Variants in SLAIN2 observed in about 807,000 individuals in gnomAD.
SLAIN2 encodes SLAIN motif-containing protein 2.
SLAIN2 carries 31 observed loss-of-function variants against 56.6 expected under a neutral mutation model. The ratio of observed to expected loss-of-function variants is 0.55; its 90% CI spans 0.41 to 0.74. The LOEUF is 0.74. Among genes scored for constraint, SLAIN2 ranks in the 30% least tolerant of loss-of-function variants. The pLI is 0.00. For synonymous variants in SLAIN2, 317 were observed against 284.9 expected (o/e 1.11, Z -1.13); for missense variants, 777 against 754.2 (o/e 1.03, Z -0.35).
rs1268675180 is a variant in SLAIN2 at position 48,341,674 on chromosome 4, C to G, written c.-66C>G. Reference sequence around the variant, plus strand: ...TGAGCGGCGGCGACGCCTCTTTCCTCCGTCTCTTTCCCTGTCGCTGCGAGA... The same window carrying G: ...TGAGCGGCGGCGACGCCTCTTTCCTGCGTCTCTTTCCCTGTCGCTGCGAGA... On this transcript the variant is annotated 5_prime_UTR_variant, in exon 1 of 8. Coordinates refer to ENST00000264313, the MANE Select transcript of SLAIN2 (RefSeq NM_020846.2). The G allele has an allele frequency of 1.3e-6, 2 of 1,499,280 alleles. No homozygotes were observed. The highest frequency in any genetic ancestry group is 2.7e-5 in the East Asian group (1 of 36,430). The allele number at this position is 1,499,280 out of a possible 1,614,324, so 92.9% of individuals were successfully genotyped here.
At chr4:48,363,906 G>T (rs1441139868) in intron 1 of SLAIN2, among the ~76,000 whole-genome samples, 2 of 131,632 alleles carry the variant, frequency 1.5e-5, no homozygotes, top group African/African-American at 2.7e-5. Context: ...CGGACGGCAC[G>T]GCTGGCCAGG....
At chr4:48,393,386 T>TTTG (rs376243251) in intron 6 of SLAIN2, among the ~76,000 whole-genome samples, 5 of 135,448 alleles carry the variant, frequency 3.7e-5, no homozygotes, top group Admixed American at 7.4e-5. Context: ...CATGTCTGGC[T>TTTG]TGTGTGTGTG....
chr4:48,386,665 G>A (rs184135629), intron 6 of SLAIN2, among the ~76,000 whole-genome samples: 202 of 152,224 alleles, frequency 1.3e-3, no homozygotes, highest in Middle Eastern at 3.4e-3. Flanking sequence ...GTAACTGAGA[G>A]TGCCATTATA....
At chr4:48,407,524 TTA>T (rs1716729932) in intron 6 of SLAIN2, among the ~76,000 whole-genome samples, 1 of 152,152 alleles carries the variant, frequency 6.6e-6, no homozygotes, top group Admixed American at 6.5e-5. Flanking sequence ...TGTAATAACT[TTA>T]TGTGTGATTT....
intron 2 of SLAIN2, among the ~76,000 whole-genome samples, chr4:48,372,470 G>T (rs1269350955): frequency 6.6e-6 from 1 of 152,154 alleles, no homozygotes. Flanking sequence ...ACTACTTAAT[G>T]TAACAGGTAG....
At position 48,360,602 on chromosome 4, in the gene SLAIN2, T is replaced by TA. The variant is rs540500036; in HGVS notation, c.390-9239dup. Among the ~76,000 whole-genome samples, 593 of 151,914 alleles carry TA rather than the reference T, an allele frequency of 3.9e-3. 5 individuals are homozygous for TA. The highest frequency in any genetic ancestry group is 0.013 in the African/African-American group (532 of 41,442). On this transcript the variant is annotated intron_variant, in intron 1 of 7. Coordinates refer to ENST00000264313, the MANE Select transcript of SLAIN2 (RefSeq NM_020846.2). ...GTGAGACTCTGTCTCCAAAAAAAAT[T>TA]AAAAAAAACATAAATAGATAAGAAA...
chr4:48,356,694 C>T (rs1715165095), intron 1 of SLAIN2, among the ~76,000 whole-genome samples: 1 of 151,986 alleles, frequency 6.6e-6, no homozygotes, highest in South Asian at 2.1e-4. Context: ...TGGTTCAGCA[C>T]TAGAAGTTTG....
At chr4:48,376,566 T>C (rs1395856494) in intron 2 of SLAIN2, among the ~76,000 whole-genome samples, 1 of 151,998 alleles carries the variant, frequency 6.6e-6, no homozygotes, top group Non-Finnish European at 1.5e-5. Flanking sequence ...TATTTAATTT[T>C]ACATGCATAG....
chr4:48,411,290 C>T (rs186138504), intron 6 of SLAIN2, among the ~76,000 whole-genome samples: 1 of 152,208 alleles, frequency 6.6e-6, no homozygotes, highest in African/African-American at 2.4e-5. Context: ...TCCAGGGCAG[C>T]ATGTGATTCG....
intron 1 of SLAIN2, among the ~76,000 whole-genome samples, chr4:48,365,190 C>T (rs980772041): frequency 1.3e-5 from 2 of 151,766 alleles, no homozygotes; most frequent in African/African-American, 4.8e-5. Context: ...AAAAATTGGC[C>T]TGGTGCAGTG....
intron 1 of SLAIN2, among the ~76,000 whole-genome samples, chr4:48,349,900 A>C (rs1714967735): frequency 1.3e-5 from 2 of 152,200 alleles, no homozygotes; most frequent in South Asian, 4.1e-4. Flanking sequence ...TTGGAACCCA[A>C]GATATGTATT....
In SLAIN2 at chr4:48,342,078, G is replaced by A; in HGVS notation, c.339G>A (p.Arg113=). Residue 113 remains arginine (R), a synonymous_variant, in exon 1 of 8, where the codon CGG becomes CGA. Transcript: ENST00000264313. ...TGCTGGACGAGGTGGAGCCGCTGCGGCCCGACGAGCTGGAGCGCCTGTCAG... is the reference window on the plus strand; with the variant it reads ...TGCTGGACGAGGTGGAGCCGCTGCGACCCGACGAGCTGGAGCGCCTGTCAG... ...GGLLDEVEPL[R]PDELERLSGW... The A allele has an allele frequency of 7.3e-7, 1 of 1,370,276 alleles. No individual in the cohort carries two copies. Among genetic ancestry groups the A allele is most frequent in the South Asian group, 1.7e-5 (1 of 57,720 alleles). The allele number at this position is 1,370,276 out of a possible 1,614,324, so 84.9% of individuals were successfully genotyped here.
At chr4:48,362,566 G>T (rs144553771) in intron 1 of SLAIN2, among the ~76,000 whole-genome samples, 2 of 149,274 alleles carry the variant, frequency 1.3e-5, no homozygotes, top group Admixed American at 1.3e-4. Flanking sequence ...CTACAGGCAC[G>T]TGCTACCATG....
rs776678579 is a variant in SLAIN2 at position 48,382,745 on chromosome 4, G to T, written c.1040G>T (p.Arg347Leu). The change falls in exon 5 of 8, where the codon CGC (arginine) becomes CTC (leucine). Residue 347 changes from arginine to leucine, a missense_variant. Transcript: ENST00000264313. The stretch of plus-strand genomic sequence containing the variant: ...GTTAACAGGTTTTCACCATCACCAC[G>T]CAATTCACCTCGACCGTCACCTAAG... Reference protein sequence around the residue: ...PAVNRFSPSPRNSPRPSPKQS... With the variant: ...PAVNRFSPSPLNSPRPSPKQS... The T allele has an allele frequency of 1.9e-6, 3 of 1,613,454 alleles. No individual in the cohort carries two copies. The African/African-American group carries it at 4.0e-5, about 22-fold the overall frequency.
At position 48,379,694 on chromosome 4, in the gene SLAIN2, C is replaced by G; in HGVS notation, c.708C>G (p.Asn236Lys). 7.1e-7 allele frequency: 1 copy of G among 1,407,678 alleles called. No homozygotes were observed. Among genetic ancestry groups the G allele is most frequent in the Admixed American group, 2.8e-5 (1 of 35,152 alleles). The allele number at this position is 1,407,678 out of a possible 1,614,324, so 87.2% of individuals were successfully genotyped here. A position where few individuals can be genotyped will look rare whatever the true frequency, so the allele number is the denominator to read the frequency against. Residue 236 changes from asparagine (N) to lysine (K), a missense_variant, in exon 4 of 8, where the codon AAC (asparagine) becomes AAG (lysine). Asn to Lys is a moderately conservative substitution (Grantham distance 94). Coordinates refer to ENST00000264313, the MANE Select transcript of SLAIN2 (RefSeq NM_020846.2). ...KQLILPGNSGNLKSSDRNPPL... is the reference protein window; with the variant it reads ...KQLILPGNSGKLKSSDRNPPL... ...TTTTCTTTTTTTTTTTTTAAGGTAA[C>G]TTGAAAAGCTCAGACAGAAATCCTC...
At chr4:48,408,671 A>G (rs1716767630) in intron 6 of SLAIN2, among the ~76,000 whole-genome samples, 1 of 152,192 alleles carries the variant, frequency 6.6e-6, no homozygotes, top group South Asian at 2.1e-4. Context: ...GTGTTATTAC[A>G]AAAGAGTCAC....
intron 1 of SLAIN2, among the ~76,000 whole-genome samples, chr4:48,361,493 G>C (rs1286967372): frequency 1.3e-5 from 2 of 152,184 alleles, no homozygotes; most frequent in Admixed American, 6.5e-5. Context: ...TAAGGGCAGA[G>C]GGAAACTGGC....
chr4:48,420,981 G>T (rs1286025306), intron 7 of SLAIN2, among the ~76,000 whole-genome samples: 1 of 151,888 alleles, frequency 6.6e-6, no homozygotes, highest in Non-Finnish European at 1.5e-5. Context: ...GGTGTGCTAG[G>T]TATTTTGTTG....
intron 6 of SLAIN2, among the ~76,000 whole-genome samples, chr4:48,391,309 C>T (rs1560460505): frequency 6.6e-6 from 1 of 152,290 alleles, no homozygotes; most frequent in East Asian, 1.9e-4. Context: ...TCAGGGGAGA[C>T]TTTAAGTAGA....
Sources: gnomAD v4.1 joint callset for allele counts (sites outside exome capture counted in the v4.1 genomes callset) on GRCh38, gnomAD v4.1.1 for gene constraint, MANE v1.5 for transcripts, NCBI Gene and HGNC (gene_info 2026-07-23, HGNC 2026-07-21) for gene names.